ADK: variants seen among roughly 807,000 people sequenced by gnomAD.
The protein encoded by ADK is adenosine kinase.
Under a neutral mutation model 44.7 loss-of-function variants are expected in ADK, and 24 were observed. That is an observed-to-expected ratio of 0.54 (90% CI 0.39 to 0.76). The LOEUF (loss-of-function observed/expected upper bound fraction) is 0.76. Ranked by LOEUF, ADK falls within the 30% of genes least tolerant of loss-of-function variation. ADK has a pLI of 0.00. For synonymous variants in ADK, 128 were observed against 142.6 expected (o/e 0.90, Z 0.73); for missense variants, 321 against 425.1 (o/e 0.76, Z 2.15).
intron 6 of ADK, among the ~76,000 whole-genome samples, chr10:74,490,565 G>A (rs1454858777): frequency 6.6e-6 from 1 of 152,082 alleles, no homozygotes; most frequent in Non-Finnish European, 1.5e-5. Context: ...CCTATATTAA[G>A]CTTTACTAGT....
Position 74,337,256 on chromosome 10 carries a change from G to A in ADK, c.273+22511G>A, listed in dbSNP as rs1841439884. On this transcript the variant is annotated intron_variant, in intron 4 of 10. Transcript: ENST00000539909. ...AGGTTGCTGGAGCTTTATCTTGTGGGATAATTCTGGGAAAGTCAGTGTCAA... is the reference window on the plus strand; with the variant it reads ...AGGTTGCTGGAGCTTTATCTTGTGGAATAATTCTGGGAAAGTCAGTGTCAA... 2.0e-5 allele frequency among the ~76,000 whole-genome samples: 3 copies of A among 152,202 alleles called. No homozygotes were observed. In the South Asian group the frequency reaches 6.2e-4, roughly 32 times the overall value.
At chr10:74,252,614 G>T (rs1476246844) in intron 3 of ADK, among the ~76,000 whole-genome samples, 1 of 152,182 alleles carries the variant, frequency 6.6e-6, no homozygotes, top group Non-Finnish European at 1.5e-5. Context: ...GTAGCAAAGT[G>T]TCATTGAGGA....
At chr10:74,685,314 C>G (rs7076019) in intron 10 of ADK, among the ~76,000 whole-genome samples, 4 of 152,184 alleles carry the variant, frequency 2.6e-5, no homozygotes, top group African/African-American at 9.7e-5. Flanking sequence ...ACTACTGCCT[C>G]GGCCTGTCTA....
At chr10:74,598,700 CG>C (rs1852016094) in intron 8 of ADK, among the ~76,000 whole-genome samples, 1 of 152,024 alleles carries the variant, frequency 6.6e-6, no homozygotes, top group Non-Finnish European at 1.5e-5. Context: ...CTGCCCTCCT[CG>C]GCCTCCCAAA....
intron 6 of ADK, among the ~76,000 whole-genome samples, chr10:74,439,533 G>A (rs1413921547): frequency 6.6e-6 from 1 of 152,106 alleles, no homozygotes; most frequent in Non-Finnish European, 1.5e-5. Context: ...ATGATAAAGA[G>A]GCTTAGTTTT....
chr10:74,176,868 A>T, intron 1 of ADK: 1 of 1,609,340 alleles, frequency 6.2e-7, no homozygotes, highest in Non-Finnish European at 8.5e-7. Flanking sequence ...CAGGAGGGCG[A>T]AGCCATGACG....
intron 1 of ADK, among the ~76,000 whole-genome samples, chr10:74,199,966 C>T (rs1843313365): frequency 6.6e-6 from 1 of 151,938 alleles, no homozygotes; most frequent in South Asian, 2.1e-4. Context: ...GTGTGAACCA[C>T]CGTGCCCAGC....
At chr10:74,520,466 A>G (rs1341171368) in intron 6 of ADK, among the ~76,000 whole-genome samples, 1 of 151,904 alleles carries the variant, frequency 6.6e-6, no homozygotes, top group Non-Finnish European at 1.5e-5. Context: ...GTATGCACAC[A>G]TACACATACA....
At chr10:74,202,010 T>A (rs539507022) in intron 2 of ADK, among the ~76,000 whole-genome samples, 15 of 152,272 alleles carry the variant, frequency 9.9e-5, no homozygotes, top group African/African-American at 3.6e-4. Flanking sequence ...CACAAAGTTG[T>A]ACAACCATCA....
chr10:74,435,950 A>G (rs12261586), intron 6 of ADK, among the ~76,000 whole-genome samples: 6,920 of 152,306 alleles, frequency 0.045, 547 homozygotes, highest in African/African-American at 0.16. Context: ...ACAGATAGCA[A>G]TTTAAATCTA....
intron 1 of ADK, among the ~76,000 whole-genome samples, chr10:74,151,973 C>T (rs1841608425): frequency 6.6e-6 from 1 of 152,210 alleles, no homozygotes; most frequent in East Asian, 1.9e-4. Context: ...TAACACCTGC[C>T]TCACATGTGA....
chr10:74,439,162 A>T (rs1051032596), intron 6 of ADK, among the ~76,000 whole-genome samples: 5 of 152,218 alleles, frequency 3.3e-5, no homozygotes, highest in Non-Finnish European at 7.3e-5. Context: ...TATAGAAAGA[A>T]CAGATTTATA....
intron 1 of ADK, among the ~76,000 whole-genome samples, chr10:74,175,855 T>G (rs1286342808): frequency 6.6e-6 from 1 of 152,256 alleles, no homozygotes; most frequent in African/African-American, 2.4e-5. Flanking sequence ...GATTCCCCCC[T>G]TTTCATAGTT....
chr10:74,372,346 C>T (rs139021620), intron 4 of ADK: 57 of 746,038 alleles, frequency 7.6e-5, no homozygotes, highest in South Asian at 5.0e-4. Flanking sequence ...GAGCCTGCCA[C>T]GGAAGGCTGG....
intron 9 of ADK, among the ~76,000 whole-genome samples, chr10:74,622,822 A>G (rs1001682338): frequency 7.2e-5 from 11 of 152,246 alleles, no homozygotes; most frequent in African/African-American, 1.2e-4. Context: ...AGCCTGACCA[A>G]CCTGGAGAAA....
chr10:74,566,393 G>A (rs1414696141), intron 7 of ADK, among the ~76,000 whole-genome samples: 1 of 151,818 alleles, frequency 6.6e-6, no homozygotes, highest in East Asian at 1.9e-4. Context: ...GTCTTGTAGA[G>A]ACAGGGTCTC....
intron 3 of ADK, among the ~76,000 whole-genome samples, chr10:74,250,906 T>G (rs1845628468): frequency 6.6e-6 from 1 of 151,988 alleles, no homozygotes; most frequent in African/African-American, 2.4e-5. Flanking sequence ...AATTTTTTAT[T>G]TTTATTTTTA....
chr10:74,570,506 A>T (rs988729785), intron 7 of ADK, among the ~76,000 whole-genome samples: 31 of 152,004 alleles, frequency 2.0e-4, no homozygotes, highest in Admixed American at 9.8e-4. Flanking sequence ...GGTCCTTCAC[A>T]TCCCTTGTAA....
chr10:74,541,914 A>G (rs147781076), intron 7 of ADK, among the ~76,000 whole-genome samples: 1 of 151,074 alleles, frequency 6.6e-6, no homozygotes, highest in South Asian at 2.1e-4. Context: ...TCACATGGTT[A>G]AGAAAATGTT....
Sources: gnomAD v4.1 joint callset for allele counts (sites outside exome capture counted in the v4.1 genomes callset) on GRCh38, gnomAD v4.1.1 for gene constraint, MANE v1.5 for transcripts, NCBI Gene and HGNC (gene_info 2026-07-23, HGNC 2026-07-21) for gene names.